The following GPHN variants were observed in gnomAD, a reference collection of about 807,000 sequenced individuals.
The protein encoded by GPHN is gephyrin.
GPHN carries 17 observed loss-of-function variants against 95.5 expected under a neutral mutation model. That is an observed-to-expected ratio of 0.18 (90% confidence interval 0.12 to 0.27). GPHN has a LOEUF of 0.27. Ranked by LOEUF, GPHN falls within the 10% of genes least tolerant of loss-of-function variation. The pLI is 1.00. For synonymous variants in GPHN, 320 were observed against 322.5 expected (o/e 0.99, Z 0.08); for missense variants, 660 against 978.1 (o/e 0.67, Z 4.34).
At chr14:66,950,330 CA>C (rs1307534868) in intron 8 of GPHN, among the ~76,000 whole-genome samples, 1 of 152,170 alleles carries the variant, frequency 6.6e-6, no homozygotes, top group African/African-American at 2.4e-5. Context: ...TACTCCATGG[CA>C]AGCCTTTGGT....
the GPHN span, among the ~76,000 whole-genome samples, chr14:67,242,549 C>G: frequency 5.3e-5 from 8 of 151,884 alleles, no homozygotes; most frequent in Non-Finnish European, 1.2e-4. Context: ...GAACAAATGA[C>G]GTGTTGGTTA....
the GPHN span, among the ~76,000 whole-genome samples, chr14:67,597,501 CAA>C: frequency 1.4e-5 from 2 of 139,904 alleles, no homozygotes; most frequent in Non-Finnish European, 3.1e-5. Context: ...AAACCTGTCT[CAA>C]AAAAAAAAAA....
the GPHN span, among the ~76,000 whole-genome samples, chr14:67,526,369 G>T: frequency 6.6e-6 from 1 of 152,270 alleles, no homozygotes; most frequent in Non-Finnish European, 1.5e-5. Flanking sequence ...GGGTAGGTAA[G>T]ATGCCTGCTT....
the GPHN span, chr14:67,695,962 G>C: frequency 6.2e-6 from 3 of 484,010 alleles, no homozygotes; most frequent in Non-Finnish European, 1.1e-5. Context: ...CCAGCTCTCA[G>C]TTATTTTTTC....
chr14:66,871,556 C>T (rs1264627835), intron 4 of GPHN, among the ~76,000 whole-genome samples: 11 of 152,130 alleles, frequency 7.2e-5, no homozygotes, highest in African/African-American at 9.7e-5. Context: ...AGTAGTGTTT[C>T]GTCTTGGTAA....
At chr14:67,557,417 A>T in the GPHN span, 248,331 of 1,612,246 alleles carry the variant, frequency 0.15, 20,511 homozygotes, top group East Asian at 0.28. Flanking sequence ...CTGGAGAAGC[A>T]GGTAAGGGCT....
At chr14:67,572,562 A>G in the GPHN span, among the ~76,000 whole-genome samples, 1 of 152,112 alleles carries the variant, frequency 6.6e-6, no homozygotes, top group Admixed American at 6.5e-5. Context: ...TTTTCCATAT[A>G]TGACTTTGTT....
intron 8 of GPHN, among the ~76,000 whole-genome samples, chr14:66,932,893 C>T (rs887942313): frequency 6.6e-6 from 1 of 152,088 alleles, no homozygotes; most frequent in Non-Finnish European, 1.5e-5. Context: ...AAGGATTGTA[C>T]ACAACTAATA....
At chr14:66,832,312 A>G (rs1328840028) in intron 4 of GPHN, among the ~76,000 whole-genome samples, 1 of 152,200 alleles carries the variant, frequency 6.6e-6, no homozygotes, top group Non-Finnish European at 1.5e-5. Flanking sequence ...AATGCCTGTA[A>G]TCTTTGTAGA....
the GPHN span, among the ~76,000 whole-genome samples, chr14:67,542,824 C>T: frequency 2.0e-5 from 3 of 152,146 alleles, no homozygotes; most frequent in African/African-American, 7.2e-5. Flanking sequence ...CCTCAGCCTC[C>T]GGAGTAGCTG....
intron 1 of GPHN, among the ~76,000 whole-genome samples, chr14:66,563,283 G>A (rs1283188008): frequency 6.6e-6 from 1 of 152,096 alleles, no homozygotes; most frequent in Non-Finnish European, 1.5e-5. Flanking sequence ...AATGTATTAA[G>A]ATGTAATTTA....
the GPHN span, among the ~76,000 whole-genome samples, chr14:67,707,830 G>A: frequency 2.0e-5 from 3 of 152,142 alleles, no homozygotes; most frequent in Admixed American, 1.3e-4. Flanking sequence ...TCCTGGGCCT[G>A]TCAGAAAGTG....
chr14:67,466,866 G>A, the GPHN span, among the ~76,000 whole-genome samples: 237 of 151,936 alleles, frequency 1.6e-3, 1 homozygote, highest in South Asian at 0.014. Context: ...ATGGTGGCAC[G>A]GGCCTGTAAT....
chr14:67,296,774 A>G, the GPHN span, among the ~76,000 whole-genome samples: 6 of 152,114 alleles, frequency 3.9e-5, no homozygotes, highest in African/African-American at 1.4e-4. Context: ...TTGCTCTGTC[A>G]CCCAGGCTGC....
At chr14:66,856,454 A>G (rs979097660) in intron 4 of GPHN, among the ~76,000 whole-genome samples, 5 of 152,166 alleles carry the variant, frequency 3.3e-5, no homozygotes, top group African/African-American at 1.2e-4. Context: ...TAAAGTAGCT[A>G]TTGCAGAATT....
chr14:67,441,170 T>C, the GPHN span, among the ~76,000 whole-genome samples: 1 of 152,220 alleles, frequency 6.6e-6, no homozygotes, highest in Non-Finnish European at 1.5e-5. Context: ...CTGTGGCTGC[T>C]GCTGTAGATC....
chr14:67,049,517 C>CTT (rs746210824), intron 10 of GPHN, among the ~76,000 whole-genome samples: 5 of 140,350 alleles, frequency 3.6e-5, no homozygotes, highest in Non-Finnish European at 1.6e-5. Context: ...TCTGTGACAA[C>CTT]TTTTTTTTTT....
chr14:67,287,601 G>T, the GPHN span, among the ~76,000 whole-genome samples: 1 of 152,220 alleles, frequency 6.6e-6, no homozygotes, highest in African/African-American at 2.4e-5. Context: ...TGCAACGCTG[G>T]TAGGGGTATG....
the GPHN span, chr14:67,336,752 G>T: frequency 4.4e-6 from 2 of 456,036 alleles, no homozygotes; most frequent in South Asian, 1.5e-5. Flanking sequence ...TTGGGAAGAC[G>T]AAATGTTAAA....
Sources: gnomAD v4.1 joint callset for allele counts (sites outside exome capture counted in the v4.1 genomes callset) on GRCh38, gnomAD v4.1.1 for gene constraint, MANE v1.5 for transcripts, NCBI Gene and HGNC (gene_info 2026-07-23, HGNC 2026-07-21) for gene names.